The following RANBP1 variants were observed in gnomAD, a reference collection of about 807,000 sequenced individuals.
RANBP1 encodes the protein RAN binding protein 1, also known as ran-specific GTPase-activating protein.
A neutral mutation model predicts 31.4 loss-of-function variants in RANBP1; 16 were observed. The ratio of observed to expected loss-of-function variants is 0.51; its 90% CI spans 0.34 to 0.77. The LOEUF (loss-of-function observed/expected upper bound fraction) is 0.77. RANBP1 is among the 30% of genes least tolerant of loss of function. RANBP1 has a pLI of 0.01. For synonymous variants in RANBP1, 129 were observed against 140.5 expected, an observed-to-expected ratio of 0.92 and a Z score of 0.58; for missense variants, 265 against 362.0, an observed-to-expected ratio of 0.73 and a Z score of 2.17.
chr22:20,117,797 T>C (rs2050073542), intron 1 of RANBP1: 1 of 1,030,886 alleles, frequency 9.7e-7, no homozygotes, highest in African/African-American at 1.7e-5. Context: ...TGGGCCTCGG[T>C]GGCGCGGAGT....
At chr22:20,125,214 C>T in intron 3 of RANBP1, 94 bp from the exon 4 acceptor site, 3 of 1,464,006 alleles carry the variant, frequency 2.0e-6, no homozygotes, top group African/African-American at 2.8e-5. Flanking sequence ...AAGCAGACCC[C>T]TCAGGTTGGT....
intron 2 of RANBP1, among the ~76,000 whole-genome samples, chr22:20,120,101 C>G (rs73389802): frequency 4.6e-5 from 7 of 152,348 alleles, no homozygotes; most frequent in African/African-American, 1.7e-4. Context: ...GGAATCCCCC[C>G]ATCCTTGAAG....
intron 5 of RANBP1, chr22:20,126,595 C>G: frequency 1.3e-6 from 2 of 1,535,326 alleles, no homozygotes; most frequent in African/African-American, 1.4e-5. Context: ...GCATTGGAGT[C>G]CGGGCACTGC....
intron 1 of RANBP1, chr22:20,118,037 C>A (rs1602530415): frequency 1.4e-5 from 14 of 991,872 alleles, no homozygotes; most frequent in Non-Finnish European, 1.6e-5. Flanking sequence ...TTTATTCTTT[C>A]CGTCGCCCAC....
intron 3 of RANBP1, chr22:20,122,709 A>T: frequency 8.0e-7 from 1 of 1,256,020 alleles, no homozygotes; most frequent in Non-Finnish European, 1.0e-6. Context: ...TGAGTGCTGC[A>T]GGGCGAGGGG....
rs747410281 is a variant in RANBP1 at position 20,116,408 on chromosome 22, G to A, written c.224G>A (p.Ser75Asn). The A allele has an allele frequency of 6.2e-7, 1 of 1,611,826 alleles. No homozygotes were observed. ...CTGGCGTGGCGAGGCACGTTCTGCA[G>A]CTCCAGTTTAAAGATCTCAGAGGTA... is the stretch of plus-strand genomic sequence containing the variant. ...LKLAWRGTFCSSSLKISEDTH... is the reference protein window; with the variant it reads ...LKLAWRGTFCNSSLKISEDTH... Residue 75 changes from serine (S) to asparagine (N), a missense_variant, in exon 1 of 6, where the codon AGC becomes AAC. This residue lies in a region of RANBP1 where 126 missense variants were observed against 123.6 expected (regional missense o/e 1.02). Coordinates refer to ENST00000430524, the MANE Select transcript of RANBP1 (RefSeq NM_001278639.2).
chr22:20,123,810 C>T (rs1257711333), intron 3 of RANBP1, among the ~76,000 whole-genome samples: 1 of 152,070 alleles, frequency 6.6e-6, no homozygotes, highest in Non-Finnish European at 1.5e-5. Flanking sequence ...ACCTGCACTG[C>T]CCAGCTTGTT....
chr22:20,127,005 C>T lies in RANBP1; in HGVS notation c.790C>T (p.Leu264Phe). ...AEKVAEKLEALSVKEETKEDA... is the reference protein window; with the variant it reads ...AEKVAEKLEAFSVKEETKEDA... ...AAAAGTGGCGGAAAAGCTAGAAGCT[C>T]TCTCGGTGAAGGAGGAGACCAAGGA... The change falls in exon 6 of 6, where the codon CTC becomes TTC. Residue 264 changes from leucine to phenylalanine, a missense_variant. Physicochemically the swap from Leu to Phe is conservative, Grantham distance 22. This residue lies in a region of RANBP1 where 49 missense variants were observed against 47.9 expected (regional missense o/e 1.02). Transcript: ENST00000430524. 1 of 1,613,778 alleles carries T rather than the reference C, an allele frequency of 6.2e-7. No individual in the cohort carries two copies. The highest frequency in any genetic ancestry group is 8.5e-7 in the Non-Finnish European group (1 of 1,179,898).
chr22:20,119,409 C>CT (rs2050126513), intron 2 of RANBP1: 1 of 440,370 alleles, frequency 2.3e-6, no homozygotes, highest in South Asian at 2.7e-5. Flanking sequence ...CCCCACTGCC[C>CT]TTTTTTGCCA....
chr22:20,121,245 G>A (rs1032702828), intron 2 of RANBP1, among the ~76,000 whole-genome samples: 9 of 151,802 alleles, frequency 5.9e-5, no homozygotes, highest in African/African-American at 1.9e-4. Context: ...GAGCCCCCGC[G>A]CCTGCTCTCT....
At chr22:20,117,629 C>G in intron 1 of RANBP1, 2 of 1,202,558 alleles carry the variant, frequency 1.7e-6, no homozygotes, top group East Asian at 7.9e-5. Flanking sequence ...CCAGCCGAGC[C>G]GCCGCCGCCG....
intron 1 of RANBP1, chr22:20,116,679 C>A: frequency 6.7e-7 from 1 of 1,496,072 alleles, no homozygotes; most frequent in Non-Finnish European, 8.9e-7. Flanking sequence ...CCCAAGCTTC[C>A]TTATGGGACA....
intron 2 of RANBP1, among the ~76,000 whole-genome samples, chr22:20,120,643 G>A (rs2050151979): frequency 6.6e-6 from 1 of 152,188 alleles, no homozygotes; most frequent in Non-Finnish European, 1.5e-5. Context: ...GGGTGCCCTG[G>A]TCCCCAGCGG....
At chr22:20,117,883 G>A (rs757536134) in intron 1 of RANBP1, 143 of 1,019,694 alleles carry the variant, frequency 1.4e-4, no homozygotes, top group Non-Finnish European at 1.7e-4. Context: ...CAGAGGCCTG[G>A]GGGCTGCAGG....
At chr22:20,118,928 G>C (rs1474521071) in intron 1 of RANBP1, 85 bp from the exon 2 acceptor site, 3 of 1,416,746 alleles carry the variant, frequency 2.1e-6, no homozygotes, top group Non-Finnish European at 2.9e-6. Flanking sequence ...CATTGTCGGA[G>C]GGCTGACCAC....
At chr22:20,123,422 GTGTGGTGTTGGGGGGGGT>G (rs2050229244) in intron 3 of RANBP1, among the ~76,000 whole-genome samples, 2 of 66,904 alleles carry the variant, frequency 3.0e-5, no homozygotes, top group Non-Finnish European at 7.0e-5. Context: ...GTGTTGGGGT[GTGTGGTGTTGGGGGGGGT>G]GTGTGGTGTC....
At chr22:20,117,509 G>T in intron 1 of RANBP1, 1 of 1,305,562 alleles carries the variant, frequency 7.7e-7, no homozygotes, top group Non-Finnish European at 9.8e-7. Flanking sequence ...GTCGAGGTTC[G>T]GGTCGTGGGG....
At chr22:20,123,324 G>A (rs1318125848) in intron 3 of RANBP1, among the ~76,000 whole-genome samples, 1 of 105,854 alleles carries the variant, frequency 9.4e-6, no homozygotes. Context: ...TTGGGTGTGT[G>A]TGGTGTCTGG....
rs1373882842 is a variant in RANBP1, at chr22:20,116,457, G to A, written c.246+27G>A. The A allele has an allele frequency of 4.3e-6, 7 of 1,612,754 alleles. No homozygotes were observed. In the South Asian group the frequency reaches 4.4e-5, roughly 10 times the overall value. ...TAAACAAGTCATCCCTGATGTAGCT[G>A]TAGAGCCCGGGCTGAGGCCCCGGCC... On this transcript the variant is annotated intron_variant, in intron 1 of 5. Coordinates refer to ENST00000430524, the MANE Select transcript of RANBP1 (RefSeq NM_001278639.2).
Sources: allele counts gnomAD v4.1 joint callset (sites outside exome capture counted in the v4.1 genomes callset), GRCh38; gene constraint gnomAD v4.1.1; regional missense constraint gnomAD v4.1.1; transcripts MANE v1.5; gene names NCBI Gene and HGNC (gene_info 2026-07-23, HGNC 2026-07-21).